Variants in GLCE observed in about 807,000 individuals in gnomAD.
GLCE encodes glucuronic acid epimerase.
Under a neutral mutation model 47.9 loss-of-function variants are expected in GLCE, and 19 were observed. The ratio of observed to expected loss-of-function variants is 0.40; its 90% CI spans 0.28 to 0.58. The LOEUF (loss-of-function observed/expected upper bound fraction) is 0.58. Among genes scored for constraint, GLCE ranks in the 20% least tolerant of loss-of-function variants. The pLI is 0.48. For missense variants in GLCE, 556 were observed against 743.3 expected, an observed-to-expected ratio of 0.75 and a Z score of 2.93; for synonymous variants, 245 against 263.4, an observed-to-expected ratio of 0.93 and a Z score of 0.68.
intron 1 of GLCE, among the ~76,000 whole-genome samples, chr15:69,202,579 T>C (rs2052091386): frequency 1.3e-5 from 2 of 152,154 alleles, no homozygotes; most frequent in South Asian, 4.1e-4. Context: ...GTGATAGTCC[T>C]GGTTACAATT....
chr15:69,263,658 G>T (rs2053044801), intron 4 of GLCE, among the ~76,000 whole-genome samples: 1 of 151,906 alleles, frequency 6.6e-6, no homozygotes, highest in African/African-American at 2.4e-5. Context: ...CTTTTCATTT[G>T]ATTTCCATGA....
intron 1 of GLCE, among the ~76,000 whole-genome samples, chr15:69,203,566 T>C (rs978282294): frequency 3.3e-5 from 5 of 152,156 alleles, no homozygotes; most frequent in African/African-American, 1.2e-4. Flanking sequence ...TAGTGAATTA[T>C]AGCTACTGCA....
At chr15:69,165,889 A>T (rs1397775784) in intron 1 of GLCE, among the ~76,000 whole-genome samples, 2 of 152,174 alleles carry the variant, frequency 1.3e-5, no homozygotes, top group Non-Finnish European at 2.9e-5. Flanking sequence ...AAAGTATCTT[A>T]TTCTCTTGCC....
intron 1 of GLCE, among the ~76,000 whole-genome samples, chr15:69,184,625 C>T (rs1003378580): frequency 2.0e-5 from 3 of 152,178 alleles, no homozygotes; most frequent in African/African-American, 4.8e-5. Context: ...CCAATTCAAA[C>T]AACCTTACAC....
At position 69,269,062 on chromosome 15, in the gene GLCE, A is replaced by T; in HGVS notation, c.1672A>T (p.Thr558Ser). 6.2e-7 allele frequency: 1 copy of T among 1,614,172 alleles called. No individual in the cohort carries two copies. The change falls in exon 5 of 5, where the codon ACC (threonine) becomes TCC (serine). Residue 558 changes from threonine (T) to serine (S), a missense_variant. This residue lies in a region of GLCE where 245 missense variants were observed against 368.1 expected (regional missense o/e 0.67). Transcript: ENST00000261858. The part of the protein sequence containing the change: ...MLPLYDTGSG[T>S]IYDLRHFMLG... Reference sequence around the variant, plus strand: ...GCCCTTGTATGACACTGGCTCAGGAACCATCTATGACCTCCGTCACTTCAT... The same window carrying T: ...GCCCTTGTATGACACTGGCTCAGGATCCATCTATGACCTCCGTCACTTCAT...
chr15:69,227,803 T>C (rs1173624764), intron 2 of GLCE, among the ~76,000 whole-genome samples: 1 of 152,226 alleles, frequency 6.6e-6, no homozygotes, highest in African/African-American at 2.4e-5. Context: ...GTAGCATCAA[T>C]CCCTTTTGTA....
In GLCE at chr15:69,259,363, T is replaced by C. The variant is rs183588368; in HGVS notation, c.587-1724T>C. 4.9e-4 allele frequency among the ~76,000 whole-genome samples: 74 copies of C among 152,312 alleles called. 1 individual carries two copies. The highest frequency in any genetic ancestry group is 1.7e-3 in the African/African-American group (71 of 41,590). On this transcript the variant is annotated intron_variant, in intron 3 of 4. Coordinates refer to ENST00000261858, the MANE Select transcript of GLCE (RefSeq NM_015554.3). Reference sequence around the variant, plus strand: ...TTTTTAGTTCCATTTATTAAACTTATGGGGTTTTTTGGATCTTTGTACCTC... The same window carrying C: ...TTTTTAGTTCCATTTATTAAACTTACGGGGTTTTTTGGATCTTTGTACCTC...
chr15:69,193,655 G>A (rs2051945831), intron 1 of GLCE, among the ~76,000 whole-genome samples: 2 of 151,954 alleles, frequency 1.3e-5, no homozygotes, highest in Admixed American at 6.6e-5. Flanking sequence ...GGAGGGTGAG[G>A]CAAGGGGGGC....
At chr15:69,262,585 C>T (rs1388566234) in intron 4 of GLCE, among the ~76,000 whole-genome samples, 3 of 152,180 alleles carry the variant, frequency 2.0e-5, no homozygotes, top group Non-Finnish European at 4.4e-5. Context: ...CTTTTGAACT[C>T]TGTCCTATTT....
chr15:69,256,569 A>T (rs1303469354), intron 3 of GLCE, among the ~76,000 whole-genome samples, 177 bp downstream of exon 3: 1 of 152,222 alleles, frequency 6.6e-6, no homozygotes, highest in Admixed American at 6.5e-5. Flanking sequence ...AGATGCTATG[A>T]CTTAAGGGCT....
At chr15:69,167,031 C>T (rs920080217) in intron 1 of GLCE, among the ~76,000 whole-genome samples, 1 of 150,554 alleles carries the variant, frequency 6.6e-6, no homozygotes, top group Non-Finnish European at 1.5e-5. Context: ...GCCTGGCCAA[C>T]ATGGTGAAAC....
intron 1 of GLCE, among the ~76,000 whole-genome samples, chr15:69,188,725 A>G (rs900911005): frequency 1.3e-5 from 2 of 151,918 alleles, no homozygotes; most frequent in African/African-American, 4.8e-5. Flanking sequence ...TACCCTTTTA[A>G]TGTCTGTCTT....
At chr15:69,194,020 A>G (rs2051951038) in intron 1 of GLCE, among the ~76,000 whole-genome samples, 2 of 152,160 alleles carry the variant, frequency 1.3e-5, no homozygotes, top group South Asian at 4.1e-4. Context: ...AGAAGAAAAG[A>G]AAAGAGTATT....
intron 2 of GLCE, among the ~76,000 whole-genome samples, chr15:69,230,085 G>A (rs148286149): frequency 2.0e-5 from 3 of 152,044 alleles, no homozygotes; most frequent in East Asian, 3.9e-4. Context: ...GCGGGCACCT[G>A]TAATCCCAGC....
At chr15:69,236,666 A>G (rs890221709) in intron 2 of GLCE, among the ~76,000 whole-genome samples, 1 of 152,192 alleles carries the variant, frequency 6.6e-6, no homozygotes, top group African/African-American at 2.4e-5. Flanking sequence ...ATTCTTGAGT[A>G]TATACACGTA....
chr15:69,231,241 C>T (rs2052516427), intron 2 of GLCE, among the ~76,000 whole-genome samples: 1 of 151,684 alleles, frequency 6.6e-6, no homozygotes, highest in Non-Finnish European at 1.5e-5. Flanking sequence ...TTTTTATGAG[C>T]AGCCAGAGAT....
chr15:69,174,591 CAA>C (rs1379556135), intron 1 of GLCE, among the ~76,000 whole-genome samples: 3 of 152,046 alleles, frequency 2.0e-5, no homozygotes, highest in Admixed American at 6.6e-5. Context: ...GCCTGGGCGA[CAA>C]GAGTGAAACT....
intron 1 of GLCE, among the ~76,000 whole-genome samples, chr15:69,165,202 A>G (rs780560471): frequency 6.6e-6 from 1 of 152,118 alleles, no homozygotes; most frequent in Non-Finnish European, 1.5e-5. Context: ...CCCAGCATCC[A>G]CTAGCTATTC....
At chr15:69,258,586 A>C (rs2052967684) in intron 3 of GLCE, among the ~76,000 whole-genome samples, 1 of 151,970 alleles carries the variant, frequency 6.6e-6, no homozygotes, top group Non-Finnish European at 1.5e-5. Context: ...AATGTTTTAT[A>C]TTTAATTTTT....
Sources: allele counts gnomAD v4.1 joint callset (sites outside exome capture counted in the v4.1 genomes callset), GRCh38; gene constraint gnomAD v4.1.1; regional missense constraint gnomAD v4.1.1; transcripts MANE v1.5; gene names NCBI Gene and HGNC (gene_info 2026-07-23, HGNC 2026-07-21).